Variants in CYFIP1 observed in about 807,000 individuals in gnomAD.
The protein encoded by CYFIP1 is cytoplasmic FMR1 interacting protein 1, also known as cytoplasmic FMR1-interacting protein 1.
CYFIP1 carries 58 observed loss-of-function variants against 163.5 expected under a neutral mutation model. The ratio of observed to expected loss-of-function variants is 0.35; its 90% CI spans 0.29 to 0.44. The LOEUF is 0.44. Ranked by LOEUF, CYFIP1 falls within the 20% of genes least tolerant of loss-of-function variation. The pLI is 1.00. For synonymous variants in CYFIP1, 663 were observed against 660.7 expected (o/e 1.00, Z -0.05); for missense variants, 1,338 against 1,653.8 (o/e 0.81, Z 3.31).
intron 22 of CYFIP1, among the ~76,000 whole-genome samples, chr15:22,894,916 T>C (rs1243843663): frequency 6.7e-6 from 1 of 148,236 alleles, no homozygotes; most frequent in African/African-American, 2.5e-5. Flanking sequence ...AGTGCAGTGG[T>C]GTGATCTTGA....
intron 23 of CYFIP1, among the ~76,000 whole-genome samples, chr15:22,891,606 C>T (rs1021262013): frequency 3.3e-5 from 5 of 152,208 alleles, no homozygotes; most frequent in Non-Finnish European, 7.3e-5. Context: ...AGGCCGCCCC[C>T]GGCCCACACT....
chr15:22,965,213 C>G (rs946318573), intron 1 of CYFIP1, among the ~76,000 whole-genome samples: 1 of 152,198 alleles, frequency 6.6e-6, no homozygotes, highest in African/African-American at 2.4e-5. Flanking sequence ...AGTCCCAACA[C>G]TTTGAGAGGC....
chr15:22,937,596 C>CTTTTTTTTTTTTTTTTTTTTT lies in CYFIP1; in HGVS notation c.796-389_796-388insAAAAAAAAAAAAAAAAAAAAA, dbSNP rs919893437. On this transcript the variant is annotated intron_variant, in intron 8 of 30. Coordinates refer to ENST00000617928, the MANE Select transcript of CYFIP1 (RefSeq NM_014608.6). ...TTTCGGTGTATGCAAACTAAAAATTCTTTTTTTGTTTTTTTTTTTTGAGAT... is the reference window on the plus strand; with the variant it reads ...TTTCGGTGTATGCAAACTAAAAATTCTTTTTTTTTTTTTTTTTTTTTTTTTTTTGTTTTTTTTTTTTGAGAT... Among the ~76,000 whole-genome samples, 5 of 143,746 alleles carry CTTTTTTTTTTTTTTTTTTTTT rather than the reference C, an allele frequency of 3.5e-5. 1 individual carries two copies. The highest frequency in any genetic ancestry group is 2.5e-5 in the African/African-American group (1 of 40,068). 94.3% of individuals were successfully genotyped at this position (143,746 alleles called of 152,430 possible).
intron 3 of CYFIP1, chr15:22,946,736 A>AGGGAATGAGC (rs2062074108): frequency 1.9e-5 from 12 of 628,614 alleles, no homozygotes; most frequent in South Asian, 1.8e-4. Flanking sequence ...AGATCTGGAG[A>AGGGAATGAGC]GGGAATGAGC....
chr15:22,932,250 C>T lies in CYFIP1; in HGVS notation c.1083G>A (p.Ser361=), dbSNP rs1163934759. ...QIREDHMRFI[S]ELARYSNSEV... is the part of the protein sequence containing the mutation. ...CGCTGTTGCTGTAGCGCGCCAGCTC[C>T]GAAATGAAGCGCATGTGGTCCTCGC... The change falls in exon 11 of 31, where the codon TCG becomes TCA. Residue 361 remains serine (S), a synonymous_variant. Transcript: ENST00000617928. 3 of 1,612,148 alleles carry T rather than the reference C, an allele frequency of 1.9e-6. No homozygotes were observed. The highest frequency in any genetic ancestry group is 1.3e-5 in the African/African-American group (1 of 74,950).
chr15:22,898,069 T>C (rs1334627037), intron 22 of CYFIP1, among the ~76,000 whole-genome samples: 1 of 152,106 alleles, frequency 6.6e-6, no homozygotes, highest in Non-Finnish European at 1.5e-5. Flanking sequence ...CTCTCTGAAC[T>C]TGGTCCAGAA....
chr15:22,910,555 G>A lies in CYFIP1; in HGVS notation c.2233C>T (p.Arg745Cys), dbSNP rs745610072. 2.5e-6 allele frequency: 4 copies of A among 1,614,170 alleles called. No individual in the cohort carries two copies. Among genetic ancestry groups the A allele is most frequent in the Admixed American group, 1.7e-5 (1 of 60,018 alleles). ...GATIHLPPSN[R>C]YETLLKQRHV... ...CTCTGCTTCAGCAGCGTCTCGTAGC[G>A]GTTAGACGGCGGGAGGTGGATCGTG... Residue 745 changes from arginine (R) to cysteine (C), a missense_variant, in exon 20 of 31, where the codon CGC (arginine) becomes TGC (cysteine). This residue lies in a region of CYFIP1 where 824 missense variants were observed against 995.7 expected (regional missense o/e 0.83). Transcript: ENST00000617928.
At chr15:22,874,698 T>C in intron 27 of CYFIP1, 54 bp from the exon 28 acceptor site, 5 of 1,211,896 alleles carry the variant, frequency 4.1e-6, no homozygotes, top group Non-Finnish European at 4.5e-6. Flanking sequence ...GAAACGGTAA[T>C]TGCAAAGGTT....
intron 1 of CYFIP1, among the ~76,000 whole-genome samples, chr15:22,969,221 C>A (rs2063007507): frequency 6.6e-6 from 1 of 152,176 alleles, no homozygotes; most frequent in Non-Finnish European, 1.5e-5. Flanking sequence ...TATCACTGTA[C>A]ATCTGTCTTA....
chr15:22,887,393 C>G (rs1595519668), intron 23 of CYFIP1, among the ~76,000 whole-genome samples: 2 of 152,360 alleles, frequency 1.3e-5, no homozygotes, highest in South Asian at 4.1e-4. Flanking sequence ...CTCCTCCCAG[C>G]CTCTCCTCAG....
intron 13 of CYFIP1, among the ~76,000 whole-genome samples, chr15:22,920,630 A>G (rs1406774813): frequency 6.6e-6 from 1 of 152,212 alleles, no homozygotes; most frequent in Non-Finnish European, 1.5e-5. Flanking sequence ...AGAATTTCCA[A>G]ATAGACTGCT....
intron 13 of CYFIP1, among the ~76,000 whole-genome samples, chr15:22,919,534 C>G (rs921133142): frequency 6.6e-6 from 1 of 152,134 alleles, no homozygotes; most frequent in Admixed American, 6.5e-5. Flanking sequence ...TATGTGAGGC[C>G]TAGAAATCTC....
At chr15:22,912,057 G>A in intron 18 of CYFIP1, 122 bp downstream of exon 18, 1 of 867,014 alleles carries the variant, frequency 1.2e-6, no homozygotes. Context: ...GCTCCCACAT[G>A]CTTGCTTCGT....
intron 7 of CYFIP1, 27 bp from the exon 8 acceptor site, chr15:22,939,347 C>T (rs2061821752): frequency 1.2e-6 from 2 of 1,614,126 alleles, no homozygotes; most frequent in Non-Finnish European, 1.7e-6. Flanking sequence ...GAGACTCATG[C>T]ATGGGCCCGG....
rs2061024334 is a variant in CYFIP1, at chr15:22,917,396, C to T, written c.1674+392G>A. 11 of 849,454 alleles carry T rather than the reference C, an allele frequency of 1.3e-5. No individual in the cohort carries two copies. Among genetic ancestry groups the T allele is most frequent in the South Asian group, 2.9e-5 (1 of 34,754 alleles). 52.6% of individuals were successfully genotyped at this position (849,454 alleles called of 1,614,324 possible). On this transcript the variant is annotated intron_variant, in intron 15 of 30. Transcript: ENST00000617928. The surrounding 1 kb of genome is among the most constrained non-coding windows in gnomAD (Gnocchi z 4.2). ...GTGGGCAGCTTAGGACCATGACACA[C>T]GCAAGCAGCACCTCACAGTTTCCCA...
chr15:22,939,550 C>A (rs1421540325), intron 6 of CYFIP1, 43 bp from the exon 7 acceptor site: 1 of 741,004 alleles, frequency 1.3e-6, no homozygotes, highest in South Asian at 2.0e-5. Context: ...CACCAACGTG[C>A]CACATTTAAA....
At chr15:22,879,853 C>A (rs1296119301) in intron 26 of CYFIP1, 60 bp downstream of exon 26, 8 of 1,212,940 alleles carry the variant, frequency 6.6e-6, no homozygotes, top group African/African-American at 1.6e-5. Context: ...CCTCCCCTGG[C>A]CGGTGGGGTG....
At chr15:22,881,731 C>CT (rs1268203747) in intron 25 of CYFIP1, 115 bp downstream of exon 25, 1 of 951,778 alleles carries the variant, frequency 1.1e-6, no homozygotes, top group Non-Finnish European at 1.6e-6. Flanking sequence ...GTGCATTTGT[C>CT]TGTCTACTGC....
At chr15:22,878,999 G>A (rs921775284) in intron 26 of CYFIP1, among the ~76,000 whole-genome samples, 4 of 152,230 alleles carry the variant, frequency 2.6e-5, no homozygotes, top group South Asian at 2.1e-4. Flanking sequence ...AGCTGGGCGT[G>A]GTGGTGGGCG....
Sources: gnomAD v4.1 joint callset for allele counts (sites outside exome capture counted in the v4.1 genomes callset) on GRCh38, gnomAD v4.1.1 for gene constraint, gnomAD v4.1.1 regional missense constraint, Gnocchi (gnomAD v3.1) non-coding constraint, MANE v1.5 for transcripts, NCBI Gene and HGNC (gene_info 2026-07-23, HGNC 2026-07-21) for gene names.